DLC1: variants seen among roughly 807,000 people sequenced by gnomAD.
DLC1 encodes the protein DLC1 Rho GTPase activating protein, also known as rho GTPase-activating protein 7.
DLC1 carries 54 observed loss-of-function variants against 140.3 expected under a neutral mutation model. That is an observed-to-expected ratio of 0.38 (90% CI 0.31 to 0.48). DLC1 has a LOEUF of 0.48. Among genes scored for constraint, DLC1 ranks in the 20% least tolerant of loss-of-function variants. The probability of loss-of-function intolerance (pLI) is 0.96; values close to 1 mark genes in which losing one functional copy is unlikely to be tolerated. For synonymous variants in DLC1, 986 were observed against 728.1 expected, an observed-to-expected ratio of 1.35 and a Z score of -5.70; for missense variants, 2,536 against 1,907.0, an observed-to-expected ratio of 1.33 and a Z score of -6.14.
intron 5 of DLC1, among the ~76,000 whole-genome samples, chr8:13,299,517 C>T (rs772995435): frequency 1.6e-4 from 23 of 140,054 alleles, no homozygotes; most frequent in Non-Finnish European, 2.7e-4. Flanking sequence ...CCATCTTTCA[C>T]TTTGCCTCTC....
chr8:13,457,273 T>C (rs1425018293), intron 2 of DLC1, among the ~76,000 whole-genome samples: 1 of 152,222 alleles, frequency 6.6e-6, no homozygotes, highest in African/African-American at 2.4e-5. Context: ...ATATAAAATA[T>C]GATTCTGTTT....
At chr8:13,376,595 C>G (rs1836001896) in intron 4 of DLC1, among the ~76,000 whole-genome samples, 1 of 152,110 alleles carries the variant, frequency 6.6e-6, no homozygotes, top group African/African-American at 2.4e-5. Flanking sequence ...AGAAATAAGG[C>G]AGGTGGGTAG....
At chr8:13,553,977 T>C (rs1803956658) in intron 1 of DLC1, among the ~76,000 whole-genome samples, 1 of 152,116 alleles carries the variant, frequency 6.6e-6, no homozygotes, top group Non-Finnish European at 1.5e-5. Flanking sequence ...CCCCTTGTCA[T>C]TAGTATTCGG....
At chr8:13,542,183 G>T (rs1387176586) in intron 1 of DLC1, among the ~76,000 whole-genome samples, 2 of 152,088 alleles carry the variant, frequency 1.3e-5, no homozygotes, top group Non-Finnish European at 2.9e-5. Context: ...TTCAGAAGTT[G>T]TATACCTTTA....
At chr8:13,520,105 C>G (rs971110709) in intron 1 of DLC1, among the ~76,000 whole-genome samples, 4 of 152,186 alleles carry the variant, frequency 2.6e-5, no homozygotes, top group African/African-American at 7.2e-5. Flanking sequence ...CCATTTGACC[C>G]TGCAATCCCA....
intron 1 of DLC1, among the ~76,000 whole-genome samples, chr8:13,526,898 G>A (rs1277955515): frequency 6.6e-6 from 1 of 152,104 alleles, no homozygotes; most frequent in Non-Finnish European, 1.5e-5. Flanking sequence ...TTGTGCACAT[G>A]TACCTTAGAA....
intron 5 of DLC1, among the ~76,000 whole-genome samples, chr8:13,222,428 G>A (rs1266244302): frequency 6.6e-6 from 1 of 152,096 alleles, no homozygotes; most frequent in African/African-American, 2.4e-5. Flanking sequence ...TTTGTTTTAT[G>A]TAGGTTAGAC....
chr8:13,286,456 T>C (rs1308543706), intron 5 of DLC1, among the ~76,000 whole-genome samples: 5 of 152,002 alleles, frequency 3.3e-5, no homozygotes, highest in Non-Finnish European at 7.3e-5. Context: ...TCACTTTATA[T>C]GGAATCATTA....
chr8:13,196,406 T>A (rs190921223), intron 5 of DLC1, among the ~76,000 whole-genome samples: 30 of 152,336 alleles, frequency 2.0e-4, no homozygotes, highest in Non-Finnish European at 3.5e-4. Flanking sequence ...ACATTGCCTT[T>A]ATTTTTCTCA....
At chr8:13,119,774 G>A (rs1201301729) in intron 5 of DLC1, among the ~76,000 whole-genome samples, 2 of 151,902 alleles carry the variant, frequency 1.3e-5, no homozygotes, top group East Asian at 1.9e-4. Flanking sequence ...CAATAATTGC[G>A]AGACTTCATC....
At chr8:13,566,913 A>T in intron 1 of DLC1, 1 of 1,445,658 alleles carries the variant, frequency 6.9e-7, no homozygotes, top group South Asian at 1.5e-5. Flanking sequence ...CCATTCCCGG[A>T]GGGGTCAGCT....
intron 2 of DLC1, among the ~76,000 whole-genome samples, chr8:13,449,725 C>T (rs756029493): frequency 1.3e-5 from 2 of 152,036 alleles, no homozygotes; most frequent in East Asian, 3.9e-4. Flanking sequence ...ATGTAAATGA[C>T]AAGTTAATGG....
intron 4 of DLC1, chr8:13,341,577 A>C (rs1366342877): frequency 1.3e-5 from 2 of 152,214 alleles, no homozygotes; most frequent in Non-Finnish European, 2.9e-5. Flanking sequence ...CAGGTGGCCC[A>C]GATGGGAGAA....
chr8:13,208,006 A>G (rs1251840780), intron 5 of DLC1, among the ~76,000 whole-genome samples: 1 of 152,020 alleles, frequency 6.6e-6, no homozygotes, highest in Non-Finnish European at 1.5e-5. Flanking sequence ...TTCAAAGTGC[A>G]AAATGTCTAG....
rs532008604 is a variant in DLC1, at chr8:13,567,513, C to G, written c.-126+37024G>C. On this transcript the variant is annotated intron_variant, in intron 1 of 1. Transcript: ENST00000631382. ...GTACTGTACCCGATGAACTTTTGAA[C>G]AGAATCTACTTTAAAAACATGAGGA... 10 of 1,551,972 alleles carry G rather than the reference C, an allele frequency of 6.4e-6. No homozygotes were observed. In the East Asian group the frequency reaches 7.3e-5, roughly 11 times the overall value.
At chr8:13,210,617 T>C (rs1378822440) in intron 5 of DLC1, among the ~76,000 whole-genome samples, 1 of 152,232 alleles carries the variant, frequency 6.6e-6, no homozygotes, top group African/African-American at 2.4e-5. Flanking sequence ...AGAAATACTT[T>C]CTCTGACTTT....
At chr8:13,284,672 A>G (rs1831480314) in intron 5 of DLC1, among the ~76,000 whole-genome samples, 1 of 152,228 alleles carries the variant, frequency 6.6e-6, no homozygotes, top group Non-Finnish European at 1.5e-5. Flanking sequence ...AACTACAAGT[A>G]AAAAGTGAGT....
intron 2 of DLC1, among the ~76,000 whole-genome samples, chr8:13,433,637 T>C (rs941196388): frequency 1.6e-4 from 24 of 152,202 alleles, no homozygotes; most frequent in African/African-American, 5.5e-4. Context: ...AATGAGATTA[T>C]GCAATTATAG....
intron 5 of DLC1, among the ~76,000 whole-genome samples, chr8:13,302,024 T>C (rs1039752561): frequency 6.6e-6 from 1 of 152,218 alleles, no homozygotes; most frequent in Non-Finnish European, 1.5e-5. Context: ...TGATATTTAT[T>C]GGATACAATT....
Sources: gnomAD v4.1 joint callset for allele counts (sites outside exome capture counted in the v4.1 genomes callset) on GRCh38, gnomAD v4.1.1 for gene constraint, MANE v1.5 for transcripts, NCBI Gene and HGNC (gene_info 2026-07-23, HGNC 2026-07-21) for gene names.